The following APLP2 variants were observed in gnomAD, a reference collection of about 807,000 sequenced individuals.
The protein encoded by APLP2 is amyloid beta precursor like protein 2, also known as CDEI box-binding protein.
Under a neutral mutation model 89.9 loss-of-function variants are expected in APLP2, and 53 were observed. That is an observed-to-expected ratio of 0.59 (90% CI 0.47 to 0.74). The LOEUF is 0.74. APLP2 is among the 30% of genes least tolerant of loss of function. The pLI is 0.00. For synonymous variants in APLP2, 372 were observed against 348.6 expected, an observed-to-expected ratio of 1.07 and a Z score of -0.75; for missense variants, 973 against 975.9, an observed-to-expected ratio of 1.00 and a Z score of 0.04.
chr11:130,137,377 C>T (rs1415661754), intron 13 of APLP2: 13 of 1,267,962 alleles, frequency 1.0e-5, no homozygotes, highest in African/African-American at 1.5e-5. Flanking sequence ...TGTTTCATGC[C>T]ATCACCTGGC....
chr11:130,120,142 G>C lies in APLP2; in HGVS notation c.404-564G>C, dbSNP rs148140269. 2.8e-4 allele frequency among the ~76,000 whole-genome samples: 42 copies of C among 152,322 alleles called. No homozygotes were observed. The East Asian group carries it at 6.4e-3, about 23-fold the overall frequency. ...TTTAGGACATCACACACACCAGTTTGCTCGTTATCAGTGGTGTTAAATTGG... is the reference window on the plus strand; with the variant it reads ...TTTAGGACATCACACACACCAGTTTCCTCGTTATCAGTGGTGTTAAATTGG... On this transcript the variant is annotated intron_variant, in intron 3 of 16. Coordinates refer to ENST00000338167, the MANE Select transcript of APLP2 (RefSeq NM_001142276.2).
intron 16 of APLP2, 74 bp from the exon 17 acceptor site, chr11:130,143,273 G>A: frequency 1.5e-6 from 2 of 1,362,716 alleles, no homozygotes; most frequent in South Asian, 1.2e-5. Flanking sequence ...TGCAGCAAAT[G>A]GCTCAGGTCT....
intron 1 of APLP2, among the ~76,000 whole-genome samples, chr11:130,081,480 T>G (rs930081823): frequency 6.6e-6 from 1 of 152,252 alleles, no homozygotes; most frequent in Non-Finnish European, 1.5e-5. Context: ...ATGTTTATTT[T>G]ATTGATAAGC....
intron 11 of APLP2, among the ~76,000 whole-genome samples, chr11:130,131,793 C>G (rs190149489): frequency 1.3e-5 from 2 of 152,272 alleles, no homozygotes; most frequent in African/African-American, 4.8e-5. Flanking sequence ...AGAATTCCTG[C>G]AAGTGAGATC....
intron 5 of APLP2, 135 bp from the exon 6 acceptor site, chr11:130,122,170 T>C: frequency 9.4e-7 from 1 of 1,061,978 alleles, no homozygotes; most frequent in Non-Finnish European, 1.4e-6. Context: ...GCCCCAGGGC[T>C]TAGTGGCACG....
chr11:130,112,601 C>T (rs183824852), intron 3 of APLP2, among the ~76,000 whole-genome samples: 77 of 152,224 alleles, frequency 5.1e-4, no homozygotes, highest in African/African-American at 1.6e-3. Flanking sequence ...ATGTGGTTAT[C>T]GCTGGCTTGT....
intron 1 of APLP2, among the ~76,000 whole-genome samples, chr11:130,104,986 T>C (rs566578015): frequency 3.4e-4 from 52 of 152,338 alleles, no homozygotes; most frequent in African/African-American, 1.2e-3. Flanking sequence ...AGATGGTAAA[T>C]TGGTCCTGGA....
In APLP2 at chr11:130,070,052, G is replaced by A. The variant is rs1302365620; in HGVS notation, c.75G>A (p.Ala25=). The change falls in exon 1 of 17, where the codon GCG becomes GCA. Residue 25 remains alanine (A), a synonymous_variant. Coordinates refer to ENST00000338167, the MANE Select transcript of APLP2 (RefSeq NM_001142276.2). ...TTCTGCTGCTGGTGGGGCTCACGGC[G>A]CCTGCCTTGGCGCTGGCCGGCTACA... The part of the protein sequence containing the change: ...LLLLLLVGLT[A]PALALAGYIE... 3.8e-5 allele frequency: 57 copies of A among 1,501,676 alleles called. 1 individual carries two copies. The highest frequency in any genetic ancestry group is 4.2e-4 in the Middle Eastern group (2 of 4,706). The allele number at this position is 1,501,676 out of a possible 1,614,324, so 93.0% of individuals were successfully genotyped here. A position where few individuals can be genotyped will look rare whatever the true frequency, so the allele number is the denominator to read the frequency against.
In APLP2 at chr11:130,070,050, G is replaced by A. The variant is rs760111814; in HGVS notation, c.73G>A (p.Ala25Thr). 1.3e-6 allele frequency: 2 copies of A among 1,505,156 alleles called. No individual in the cohort carries two copies. The highest frequency in any genetic ancestry group is 8.8e-7 in the Non-Finnish European group (1 of 1,135,350). 93.2% of individuals were successfully genotyped at this position (1,505,156 alleles called of 1,614,324 possible). A position where few individuals can be genotyped will look rare whatever the true frequency, so the allele number is the denominator to read the frequency against. ...GCTTCTGCTGCTGGTGGGGCTCACGGCGCCTGCCTTGGCGCTGGCCGGCTA... is the reference window on the plus strand; with the variant it reads ...GCTTCTGCTGCTGGTGGGGCTCACGACGCCTGCCTTGGCGCTGGCCGGCTA... ...LLLLLLVGLT[A>T]PALALAGYIE... is the part of the protein sequence containing the mutation. The change falls in exon 1 of 17, where the codon GCG becomes ACG. Residue 25 changes from alanine (A) to threonine (T), a missense_variant. Coordinates refer to ENST00000338167, the MANE Select transcript of APLP2 (RefSeq NM_001142276.2).
At chr11:130,121,129 C>T (rs1238882978) in intron 4 of APLP2, among the ~76,000 whole-genome samples, 2 of 152,138 alleles carry the variant, frequency 1.3e-5, no homozygotes, top group Non-Finnish European at 2.9e-5. Context: ...ATGGAAATCG[C>T]CAGTGATAGA....
chr11:130,141,844 C>T lies in APLP2; in HGVS notation c.1999-75C>T. On this transcript the variant is annotated intron_variant, in intron 15 of 16. Coordinates refer to ENST00000338167, the MANE Select transcript of APLP2 (RefSeq NM_001142276.2). This position sits in a 1 kb window ranked among gnomAD's most constrained non-coding sequence, Gnocchi z 4.2. ...GGGGCTCGACCTTCCAGGAGCGTGGCCCTCAGTGAGTTACTTGCCTCACGG... is the reference window on the plus strand; with the variant it reads ...GGGGCTCGACCTTCCAGGAGCGTGGTCCTCAGTGAGTTACTTGCCTCACGG... 6.6e-7 allele frequency: 1 copy of T among 1,524,836 alleles called. No homozygotes were observed. Among genetic ancestry groups the T allele is most frequent in the South Asian group, 1.3e-5 (1 of 79,628 alleles). 94.5% of individuals were successfully genotyped at this position (1,524,836 alleles called of 1,614,324 possible).
At chr11:130,131,562 C>T (rs968982042) in intron 11 of APLP2, among the ~76,000 whole-genome samples, 2 of 152,158 alleles carry the variant, frequency 1.3e-5, no homozygotes, top group African/African-American at 2.4e-5. Flanking sequence ...CTTTGCTTCA[C>T]GCTGGATGTA....
Position 130,123,579 on chromosome 11 carries a change from T to C in APLP2, c.923-33T>C. ...TTGAAGCATTTGACGTCACTGCCTC[T>C]GTCCTGCTGACACTCTGACCATTTT... On this transcript the variant is annotated intron_variant, in intron 6 of 16. Coordinates refer to ENST00000338167, the MANE Select transcript of APLP2 (RefSeq NM_001142276.2). This position sits in a 1 kb window ranked among gnomAD's most constrained non-coding sequence, Gnocchi z 4.0. 1 of 1,597,990 alleles carries C rather than the reference T, an allele frequency of 6.3e-7. No individual in the cohort carries two copies. The highest frequency in any genetic ancestry group is 1.1e-5 in the South Asian group (1 of 89,370).
At chr11:130,105,058 C>T (rs2135733491) in intron 1 of APLP2, among the ~76,000 whole-genome samples, 1 of 152,332 alleles carries the variant, frequency 6.6e-6, no homozygotes, top group South Asian at 2.1e-4. Context: ...TTGTTCATGT[C>T]TGTGTAGTTC....
chr11:130,132,153 G>A (rs919163128), intron 11 of APLP2, among the ~76,000 whole-genome samples: 2 of 152,124 alleles, frequency 1.3e-5, no homozygotes, highest in East Asian at 1.9e-4. Context: ...CACGGCTCCC[G>A]GTTCCTCTGG....
chr11:130,098,796 C>T (rs1471373840), intron 1 of APLP2, among the ~76,000 whole-genome samples: 1 of 152,074 alleles, frequency 6.6e-6, no homozygotes, highest in African/African-American at 2.4e-5. Flanking sequence ...CCAGAGGAAG[C>T]TTATAATTTC....
At chr11:130,095,762 A>G (rs183819362) in intron 1 of APLP2, among the ~76,000 whole-genome samples, 2 of 152,362 alleles carry the variant, frequency 1.3e-5, no homozygotes, top group African/African-American at 4.8e-5. Flanking sequence ...GTCTCCTTGT[A>G]TGGAGACTAG....
At chr11:130,088,717 A>G (rs535712921) in intron 1 of APLP2, among the ~76,000 whole-genome samples, 1 of 152,188 alleles carries the variant, frequency 6.6e-6, no homozygotes, top group East Asian at 1.9e-4. Context: ...AAACTTAAGT[A>G]TCTCAGTCAT....
intron 16 of APLP2, among the ~76,000 whole-genome samples, chr11:130,143,122 G>T (rs759810118): frequency 2.0e-5 from 3 of 152,182 alleles, no homozygotes; most frequent in Non-Finnish European, 2.9e-5. Flanking sequence ...TTCCGTGAGG[G>T]CTAAGCTTTC....
Sources: allele counts gnomAD v4.1 joint callset (sites outside exome capture counted in the v4.1 genomes callset), GRCh38; gene constraint gnomAD v4.1.1; non-coding constraint Gnocchi (gnomAD v3.1); transcripts MANE v1.5; gene names NCBI Gene and HGNC (gene_info 2026-07-23, HGNC 2026-07-21).